NCOA7: variants seen among roughly 807,000 people sequenced by gnomAD.
NCOA7 encodes the protein 140 kDa estrogen receptor-associated protein.
NCOA7 carries 45 observed loss-of-function variants against 104.3 expected under a neutral mutation model. The ratio of observed to expected loss-of-function variants is 0.43; its 90% CI spans 0.34 to 0.55. NCOA7 has a LOEUF of 0.55. Ranked by LOEUF, NCOA7 falls within the 20% of genes least tolerant of loss-of-function variation. The probability of loss-of-function intolerance (pLI) is 0.02; values close to 1 mark genes in which losing one functional copy is unlikely to be tolerated. For missense variants in NCOA7, 1,041 were observed against 1,119.7 expected (o/e 0.93, Z 1.00); for synonymous variants, 398 against 402.3 (o/e 0.99, Z 0.13).
intron 4 of NCOA7, among the ~76,000 whole-genome samples, chr6:125,877,199 G>A (rs77284514): frequency 3.4e-3 from 522 of 152,136 alleles, no homozygotes; most frequent in African/African-American, 0.012. Flanking sequence ...ATCTGTAACC[G>A]TAACCTTTGA....
chr6:125,813,468 T>A (rs1777257922), intron 1 of NCOA7, among the ~76,000 whole-genome samples: 1 of 151,636 alleles, frequency 6.6e-6, no homozygotes, highest in Non-Finnish European at 1.5e-5. Flanking sequence ...TTTTTTTTTT[T>A]TAGACGGAGT....
chr6:125,842,557 A>G (rs2128605942), intron 2 of NCOA7, among the ~76,000 whole-genome samples: 1 of 152,338 alleles, frequency 6.6e-6, no homozygotes, highest in Admixed American at 6.5e-5. Context: ...GGTTTCCTTT[A>G]CTAAGGAATT....
chr6:125,903,308 C>A (rs1262815279), intron 10 of NCOA7, among the ~76,000 whole-genome samples: 1 of 152,192 alleles, frequency 6.6e-6, no homozygotes, highest in East Asian at 1.9e-4. Flanking sequence ...ATGCCCTCTG[C>A]CACACCTGGG....
At position 125,890,699 on chromosome 6, in the gene NCOA7, A is replaced by G. The variant is rs770974855; in HGVS notation, c.1985A>G (p.Lys662Arg). ...ACCCCACCCATGTTCCTGTGCATCA[A>G]AGTGGGAAAACCAATGAGAAAATCC... ...SKTPPMFLCI[K>R]VGKPMRKSFA... Residue 662 changes from lysine to arginine, a missense_variant, in exon 10 of 16, where the codon AAA (lysine) becomes AGA (arginine). Coordinates refer to ENST00000392477, the MANE Select transcript of NCOA7 (RefSeq NM_181782.5). 5.0e-6 allele frequency: 8 copies of G among 1,613,758 alleles called. No homozygotes were observed. The highest frequency in any genetic ancestry group is 1.7e-5 in the Admixed American group (1 of 59,960).
At chr6:125,815,159 T>A (rs1412417508) in intron 1 of NCOA7, 132 bp from the exon 2 acceptor site, 1 of 398,666 alleles carries the variant, frequency 2.5e-6, no homozygotes, top group Admixed American at 4.6e-5. Context: ...CATATTTGAC[T>A]CATGTGACTG....
upstream of NCOA7, among the ~76,000 whole-genome samples, chr6:125,788,698 A>ATTTTTTTTTTTTTTTT (rs60048395): frequency 8.6e-3 from 1,050 of 121,500 alleles, no homozygotes; most frequent in East Asian, 0.014. Context: ...CACCCAGCTA[A>ATTTTTTTTTTTTTTTT]TTTTTTTTTT....
intron 1 of NCOA7, among the ~76,000 whole-genome samples, chr6:125,798,830 A>G (rs1775593807): frequency 6.6e-6 from 1 of 152,052 alleles, no homozygotes. Context: ...GTATCATCCG[A>G]TTTTTATATT....
chr6:125,900,084 G>C, intron 10 of NCOA7: 1 of 529,482 alleles, frequency 1.9e-6, no homozygotes, highest in Non-Finnish European at 3.9e-6. Flanking sequence ...TGGAATGGGG[G>C]TAAAGGAAGC....
At chr6:125,785,714 C>G (rs1464643548) in intron 1 of NCOA7, among the ~76,000 whole-genome samples, 1 of 152,098 alleles carries the variant, frequency 6.6e-6, no homozygotes, top group Non-Finnish European at 1.5e-5. Context: ...AGCTACTGAA[C>G]AGACTATTCG....
intron 2 of NCOA7, among the ~76,000 whole-genome samples, chr6:125,852,965 A>C (rs2128617816): frequency 6.6e-6 from 1 of 152,220 alleles, no homozygotes; most frequent in East Asian, 1.9e-4. Context: ...TCTGTGAAAA[A>C]TGATGTTGGT....
At chr6:125,808,942 A>C (rs924388609) in intron 1 of NCOA7, among the ~76,000 whole-genome samples, 1 of 152,160 alleles carries the variant, frequency 6.6e-6, no homozygotes, top group Non-Finnish European at 1.5e-5. Context: ...AAATTTGAGC[A>C]CCCTAGGCAG....
Position 125,902,003 on chromosome 6 carries a change from G to A in NCOA7, c.2096+11193G>A, listed in dbSNP as rs1385932963. Among the ~76,000 whole-genome samples the A allele has an allele frequency of 2.6e-5, 4 of 152,068 alleles. 1 individual carries two copies. Among genetic ancestry groups the A allele is most frequent in the South Asian group, 4.1e-4 (2 of 4,824 alleles). ...CCTCTTTTCCTCTCAGCATTCAGGCGCTTCTTCTCATCTTTCCTCTGCTGA... is the reference window on the plus strand; with the variant it reads ...CCTCTTTTCCTCTCAGCATTCAGGCACTTCTTCTCATCTTTCCTCTGCTGA... On this transcript the variant is annotated intron_variant, in intron 10 of 15. Coordinates refer to ENST00000392477, the MANE Select transcript of NCOA7 (RefSeq NM_181782.5).
chr6:125,844,969 C>T (rs1671325311), intron 2 of NCOA7, among the ~76,000 whole-genome samples: 2 of 152,134 alleles, frequency 1.3e-5, no homozygotes, highest in South Asian at 4.1e-4. Flanking sequence ...GCTTTAATCA[C>T]CATTAAAAAC....
rs907032712 is a variant in NCOA7, at chr6:125,882,308, T to C, written c.574-118T>C. ...GAAGGACAGAGGATATTTGCCTTTT[T>C]AATGTTCCACTTAAATAGAAATAGT... On this transcript the variant is annotated intron_variant, in intron 6 of 15. Coordinates refer to ENST00000392477, the MANE Select transcript of NCOA7 (RefSeq NM_181782.5). 26 of 1,010,126 alleles carry C rather than the reference T, an allele frequency of 2.6e-5. No homozygotes were observed. The African/African-American group carries it at 4.3e-4, about 17-fold the overall frequency. 62.6% of individuals were successfully genotyped at this position (1,010,126 alleles called of 1,614,324 possible).
chr6:125,844,698 G>A (rs897334817), intron 2 of NCOA7, among the ~76,000 whole-genome samples: 2 of 152,144 alleles, frequency 1.3e-5, no homozygotes, highest in African/African-American at 4.8e-5. Context: ...AATTCATAGA[G>A]TTAAATACAA....
At chr6:125,823,387 TAATCTTAAA>T (rs1778377468) in intron 2 of NCOA7, among the ~76,000 whole-genome samples, 1 of 152,234 alleles carries the variant, frequency 6.6e-6, no homozygotes. Context: ...GCAATTTTAT[TAATCTTAAA>T]AATATTGAGA....
chr6:125,907,801 A>G (rs1245457369), intron 10 of NCOA7, among the ~76,000 whole-genome samples: 1 of 152,144 alleles, frequency 6.6e-6, no homozygotes, highest in African/African-American at 2.4e-5. Context: ...TGCCTCATAG[A>G]GTTACTGTAC....
At chr6:125,839,040 G>A (rs1306696219) in intron 2 of NCOA7, among the ~76,000 whole-genome samples, 1 of 151,990 alleles carries the variant, frequency 6.6e-6, no homozygotes, top group Non-Finnish European at 1.5e-5. Context: ...TCAGAACTTC[G>A]ACATTTAAGG....
At chr6:125,885,083 GTTAA>G (rs1218542636) in intron 7 of NCOA7, 72 bp from the exon 8 acceptor site, 24 of 1,495,920 alleles carry the variant, frequency 1.6e-5, no homozygotes, top group Non-Finnish European at 1.9e-5. Context: ...GGCCATCTGA[GTTAA>G]TTAAAGCTCT....
Sources: allele counts gnomAD v4.1 joint callset (sites outside exome capture counted in the v4.1 genomes callset), GRCh38; gene constraint gnomAD v4.1.1; transcripts MANE v1.5; gene names NCBI Gene and HGNC (gene_info 2026-07-23, HGNC 2026-07-21).